GSN: variants seen among roughly 807,000 people sequenced by gnomAD.
GSN encodes gelsolin, also known as actin-depolymerizing factor.
Under a neutral mutation model 85.7 loss-of-function variants are expected in GSN, and 56 were observed. The observed-to-expected ratio is 0.65, with a 90% CI of 0.53 to 0.82. The LOEUF (loss-of-function observed/expected upper bound fraction) is 0.82, where lower values mean the gene tolerates loss of function less well. Ranked by LOEUF, GSN falls within the 40% of genes least tolerant of loss-of-function variation. The probability of loss-of-function intolerance (pLI) is 0.00; values close to 1 mark genes in which losing one functional copy is unlikely to be tolerated. For missense variants in GSN, 857 were observed against 979.8 expected (o/e 0.87, Z 1.67); for synonymous variants, 373 against 399.1 (o/e 0.93, Z 0.78).
At chr9:121,257,080 T>TA (rs1448059683) in intron 6 of GSN, among the ~76,000 whole-genome samples, 2 of 152,182 alleles carry the variant, frequency 1.3e-5, no homozygotes, top group Non-Finnish European at 2.9e-5. Flanking sequence ...ACACATTGTA[T>TA]ATGCATGTGT....
At chr9:121,271,151 CT>C (rs1368652710) in intron 1 of GSN, among the ~76,000 whole-genome samples, 2 of 152,208 alleles carry the variant, frequency 1.3e-5, no homozygotes, top group African/African-American at 4.8e-5. Flanking sequence ...GGGTTGATGG[CT>C]TAAGCCAGGA....
At chr9:121,293,223 C>T (rs1343626983) in intron 2 of GSN, among the ~76,000 whole-genome samples, 1 of 152,114 alleles carries the variant, frequency 6.6e-6, no homozygotes, top group Non-Finnish European at 1.5e-5. Flanking sequence ...AGGAGGGGAC[C>T]CTGGCCAGAT....
chr9:121,229,750 A>G (rs1588440972), intron 4 of GSN, among the ~76,000 whole-genome samples: 1 of 152,290 alleles, frequency 6.6e-6, no homozygotes, highest in East Asian at 1.9e-4. Flanking sequence ...AAAGTTACCT[A>G]TTTATCTTTG....
At chr9:121,222,183 A>C (rs1423209265) in intron 4 of GSN, 1 of 152,220 alleles carries the variant, frequency 6.6e-6, no homozygotes, top group Non-Finnish European at 1.5e-5. Context: ...CAGGCAACTG[A>C]AATGTTTTCC....
intron 7 of GSN, among the ~76,000 whole-genome samples, chr9:121,315,638 GC>G (rs1345617344): frequency 6.6e-6 from 1 of 152,158 alleles, no homozygotes; most frequent in Non-Finnish European, 1.5e-5. Context: ...GGTGGCGGGT[GC>G]CTCTAATCCT....
At chr9:121,275,912 A>G (rs1306289918) in intron 1 of GSN, among the ~76,000 whole-genome samples, 4 of 152,252 alleles carry the variant, frequency 2.6e-5, no homozygotes, top group African/African-American at 9.6e-5. Context: ...GTTAAGCATG[A>G]GTATGGCCCT....
At position 121,213,877 on chromosome 9, in the gene GSN, G is replaced by C. The variant is rs527573356; in HGVS notation, c.-528+3010G>C. On this transcript the variant is annotated intron_variant, in intron 4 of 24. Transcript: ENST00000373823. ...AAAACGATAAAGAGCATTCATCAAT[G>C]AATGAATGAATGAAAAGATTAAAAG... Among the ~76,000 whole-genome samples, 102 of 152,236 alleles carry C rather than the reference G, an allele frequency of 6.7e-4. 1 individual carries two copies. The highest frequency in any genetic ancestry group is 1.3e-3 in the Non-Finnish European group (86 of 68,006).
intron 5 of GSN, among the ~76,000 whole-genome samples, chr9:121,236,939 T>G (rs2054506804): frequency 6.6e-6 from 1 of 152,200 alleles, no homozygotes; most frequent in African/African-American, 2.4e-5. Flanking sequence ...GGTAAACACT[T>G]TAGAAACTTA....
chr9:121,282,393 C>G (rs191509739), intron 2 of GSN: 9 of 900,556 alleles, frequency 1.0e-5, no homozygotes, highest in African/African-American at 1.7e-5. Flanking sequence ...TGCAAGAACC[C>G]AGGAAAACAC....
the GSN span, among the ~76,000 whole-genome samples, chr9:121,202,125 G>A: frequency 8.5e-5 from 13 of 152,240 alleles, no homozygotes; most frequent in Admixed American, 8.5e-4. Flanking sequence ...CTCGCCTCTT[G>A]GGGGAGCTAC....
At chr9:121,203,395 A>G (rs986900658), upstream of GSN, 4 of 152,256 alleles carry the variant, frequency 2.6e-5, no homozygotes, top group African/African-American at 9.7e-5. Flanking sequence ...GTGAACAGCC[A>G]CTGCACTCCA....
In GSN at chr9:121,252,449, A is replaced by G. The variant is rs559407121; in HGVS notation, c.-341+4126A>G. Among the ~76,000 whole-genome samples the G allele has an allele frequency of 2.6e-5, 4 of 152,378 alleles. No individual in the cohort carries two copies. The East Asian group carries it at 7.7e-4, about 29-fold the overall frequency. On this transcript the variant is annotated intron_variant, in intron 6 of 24. Transcript: ENST00000373823. ...GATTTCAAAAGATCTTGAATGCTAC[A>G]TATGACGGAGACATTTACTGTTCAC...
intron 6 of GSN, among the ~76,000 whole-genome samples, chr9:121,253,134 T>G (rs2054874934): frequency 6.6e-6 from 1 of 152,158 alleles, no homozygotes; most frequent in Admixed American, 6.5e-5. Flanking sequence ...ATCCCATTCA[T>G]GAGGGCTCTA....
intron 3 of GSN, chr9:121,210,383 T>C (rs1011217479): frequency 6.6e-5 from 10 of 152,222 alleles, no homozygotes; most frequent in African/African-American, 2.4e-4. Flanking sequence ...ACACATCACT[T>C]ATGCTCAAAT....
intron 6 of GSN, among the ~76,000 whole-genome samples, chr9:121,258,457 C>T (rs2055013196): frequency 1.2e-5 from 1 of 80,334 alleles, no homozygotes; most frequent in South Asian, 5.7e-4. Context: ...AGTGAGACTC[C>T]TTATCAGAAA....
chr9:121,248,754 C>T (rs185599852), intron 6 of GSN, among the ~76,000 whole-genome samples: 1 of 152,124 alleles, frequency 6.6e-6, no homozygotes, highest in Admixed American at 6.6e-5. Flanking sequence ...AGAGCAAATG[C>T]CTTAGAAGAC....
At chr9:121,326,789 C>T (rs1554824345) in intron 13 of GSN, 107 bp downstream of exon 13, 11 of 1,031,910 alleles carry the variant, frequency 1.1e-5, no homozygotes, top group Admixed American at 5.1e-5. Flanking sequence ...TGGTGAATGA[C>T]GGGGTAAGAA....
intron 6 of GSN, among the ~76,000 whole-genome samples, chr9:121,255,166 T>C (rs1474247098): frequency 6.6e-6 from 1 of 152,158 alleles, no homozygotes; most frequent in Non-Finnish European, 1.5e-5. Flanking sequence ...GCCAGGATGG[T>C]CTCCATCTCC....
At chr9:121,300,008 G>A (rs970183295) in intron 2 of GSN, 2 of 1,470,732 alleles carry the variant, frequency 1.4e-6, no homozygotes, top group Non-Finnish European at 1.8e-6. Context: ...AGGCGCGGGT[G>A]AGTGCCCGGG....
Sources: gnomAD v4.1 joint callset for allele counts (sites outside exome capture counted in the v4.1 genomes callset) on GRCh38, gnomAD v4.1.1 for gene constraint, MANE v1.5 for transcripts, NCBI Gene and HGNC (gene_info 2026-07-23, HGNC 2026-07-21) for gene names.